The following SAMD5 variants were observed in gnomAD, a reference collection of about 807,000 sequenced individuals.
The protein encoded by SAMD5 is sterile alpha motif domain containing 5, also known as sterile alpha motif domain-containing protein 5.
In SAMD5, 13 loss-of-function variants were observed where a neutral mutation model predicts 11.3. The observed-to-expected ratio is 1.15, with a 90% CI of 0.75 to 1.83. The LOEUF is 1.83. Ranked by LOEUF, SAMD5 falls within the 40% of genes most tolerant of loss-of-function variation. SAMD5 has a pLI of 0.00. For synonymous variants in SAMD5, 129 were observed against 111.3 expected (o/e 1.16, Z -1.00); for missense variants, 255 against 239.1 (o/e 1.07, Z -0.44).
chr6:147,659,425 A>T (rs1790615778), intron 1 of SAMD5, among the ~76,000 whole-genome samples: 1 of 152,188 alleles, frequency 6.6e-6, no homozygotes, highest in Admixed American at 6.5e-5. Context: ...AGAGAGCAAA[A>T]CAACAGGATT....
At chr6:147,731,668 A>T (rs2128460059) in intron 1 of SAMD5, among the ~76,000 whole-genome samples, 1 of 150,108 alleles carries the variant, frequency 6.7e-6, no homozygotes, top group East Asian at 1.9e-4. Flanking sequence ...AAAAAAAAAA[A>T]AAATCCTGAA....
intron 1 of SAMD5, among the ~76,000 whole-genome samples, chr6:147,530,054 A>G (rs1788403733): frequency 6.6e-6 from 1 of 152,088 alleles, no homozygotes; most frequent in East Asian, 1.9e-4. Flanking sequence ...TATTTTCTTA[A>G]AGTATGTTTT....
the SAMD5 span, among the ~76,000 whole-genome samples, chr6:147,877,847 T>TAA: frequency 4.2e-3 from 477 of 113,018 alleles, 10 homozygotes; most frequent in African/African-American, 0.016. Context: ...TTTATATAAA[T>TAA]ACACACACAC....
intron 1 of SAMD5, among the ~76,000 whole-genome samples, chr6:147,628,876 C>T (rs6570795): frequency 0.48 from 72,249 of 151,834 alleles, 17,656 homozygotes; most frequent in Middle Eastern, 0.57. Flanking sequence ...AAAGAGTGCT[C>T]ATTATCACAT....
chr6:147,590,627 G>T (rs1789439020), intron 1 of SAMD5, among the ~76,000 whole-genome samples: 1 of 152,118 alleles, frequency 6.6e-6, no homozygotes, highest in Non-Finnish European at 1.5e-5. Flanking sequence ...TGCCTAGGCT[G>T]GTCTCGAACT....
chr6:147,757,544 G>T, the SAMD5 span, among the ~76,000 whole-genome samples: 1 of 152,270 alleles, frequency 6.6e-6, no homozygotes, highest in South Asian at 2.1e-4. Flanking sequence ...TAATCCAAAA[G>T]TCATTTATAC....
intron 1 of SAMD5, among the ~76,000 whole-genome samples, chr6:147,531,930 C>A (rs1788436244): frequency 6.6e-6 from 1 of 152,006 alleles, no homozygotes; most frequent in Admixed American, 6.5e-5. Context: ...ATAATAATTT[C>A]TCTTGGAGAA....
intron 1 of SAMD5, among the ~76,000 whole-genome samples, chr6:147,580,092 C>T (rs142917752): frequency 0.011 from 1,641 of 152,204 alleles, 20 homozygotes; most frequent in Non-Finnish European, 0.013. Flanking sequence ...CAATGCACAC[C>T]ATGCACAAAA....
the SAMD5 span, among the ~76,000 whole-genome samples, chr6:147,870,431 G>GGTGT: frequency 7.2e-6 from 1 of 138,302 alleles, no homozygotes; most frequent in Non-Finnish European, 1.6e-5. Flanking sequence ...CATCCCCTTT[G>GGTGT]GTGTGTGTGT....
At chr6:147,612,850 C>G (rs1789806443) in intron 1 of SAMD5, among the ~76,000 whole-genome samples, 1 of 152,152 alleles carries the variant, frequency 6.6e-6, no homozygotes, top group Admixed American at 6.5e-5. Context: ...ATGACTCAGT[C>G]TTCCCTCTAA....
rs111498598 is a variant in SAMD5 at position 147,512,136 on chromosome 6, T to G, written c.459+2749T>G. 1.7e-3 allele frequency among the ~76,000 whole-genome samples: 266 copies of G among 152,252 alleles called. 1 individual carries two copies. Among genetic ancestry groups the G allele is most frequent in the African/African-American group, 6.0e-3 (249 of 41,542 alleles). ...CCACGCCCGGCTAAGTTTTGTAGTTTTAGTAGAGACGGGGTTTCACCATGT... is the reference window on the plus strand; with the variant it reads ...CCACGCCCGGCTAAGTTTTGTAGTTGTAGTAGAGACGGGGTTTCACCATGT... On this transcript the variant is annotated intron_variant, in intron 1 of 1. Transcript: ENST00000367474.
At chr6:147,856,347 C>T in the SAMD5 span, among the ~76,000 whole-genome samples, 264 of 152,040 alleles carry the variant, frequency 1.7e-3, 1 homozygote, top group African/African-American at 5.6e-3. Flanking sequence ...GTTGGGGTGA[C>T]GCATATGTTC....
At chr6:147,683,131 G>A (rs183470343) in intron 1 of SAMD5, among the ~76,000 whole-genome samples, 1 of 152,338 alleles carries the variant, frequency 6.6e-6, no homozygotes, top group East Asian at 1.9e-4. Flanking sequence ...TTGGGGCAGA[G>A]ATTAGGATGA....
At chr6:147,684,974 G>A (rs934075771) in intron 1 of SAMD5, among the ~76,000 whole-genome samples, 2 of 152,124 alleles carry the variant, frequency 1.3e-5, no homozygotes, top group Admixed American at 1.3e-4. Flanking sequence ...GGGAATTTGA[G>A]AATTAAAATG....
chr6:147,892,149 C>T, the SAMD5 span, among the ~76,000 whole-genome samples: 11 of 152,176 alleles, frequency 7.2e-5, no homozygotes, highest in African/African-American at 2.7e-4. Context: ...CCCTTCTTGC[C>T]TCCTTGTTTC....
chr6:147,676,866 T>G (rs1790870555), intron 1 of SAMD5, among the ~76,000 whole-genome samples: 3 of 134,898 alleles, frequency 2.2e-5, no homozygotes, highest in African/African-American at 6.2e-5. Context: ...AAGATCAGGG[T>G]AGAGGGGGCT....
At chr6:147,597,060 C>T (rs1211782624) in intron 1 of SAMD5, among the ~76,000 whole-genome samples, 2 of 152,128 alleles carry the variant, frequency 1.3e-5, no homozygotes, top group Non-Finnish European at 2.9e-5. Flanking sequence ...GAGGAATCAC[C>T]TGGATTCATT....
chr6:147,772,418 T>C, the SAMD5 span, among the ~76,000 whole-genome samples: 1 of 152,066 alleles, frequency 6.6e-6, no homozygotes, highest in African/African-American at 2.4e-5. Context: ...TGGCAAAACA[T>C]TAAAATCAAA....
chr6:147,776,310 A>G, the SAMD5 span, among the ~76,000 whole-genome samples: 1 of 152,304 alleles, frequency 6.6e-6, no homozygotes, highest in South Asian at 2.1e-4. Context: ...CCCATTTTCT[A>G]GCTGCTTACA....
Sources: allele counts gnomAD v4.1 joint callset (sites outside exome capture counted in the v4.1 genomes callset), GRCh38; gene constraint gnomAD v4.1.1; transcripts MANE v1.5; gene names NCBI Gene and HGNC (gene_info 2026-07-23, HGNC 2026-07-21).